The following CSMD3 variants were observed in gnomAD, a reference collection of about 807,000 sequenced individuals.
CSMD3 encodes the protein CUB and Sushi multiple domains 3.
Under a neutral mutation model 435.2 loss-of-function variants are expected in CSMD3, and 177 were observed. The ratio of observed to expected loss-of-function variants is 0.41; its 90% CI spans 0.36 to 0.46. CSMD3 has a LOEUF of 0.46. Among genes scored for constraint, CSMD3 ranks in the 20% least tolerant of loss-of-function variants. The pLI is 0.34. For missense variants in CSMD3, 4,265 were observed against 4,504.6 expected (o/e 0.95, Z 1.52); for synonymous variants, 1,656 against 1,520.5 (o/e 1.09, Z -2.07).
chr8:112,752,388 C>T (rs2077590400), intron 13 of CSMD3, among the ~76,000 whole-genome samples: 1 of 152,122 alleles, frequency 6.6e-6, no homozygotes, highest in African/African-American at 2.4e-5. Context: ...TGAACAACCC[C>T]CAAATTTTTG....
chr8:113,275,833 T>C (rs2093565230), intron 3 of CSMD3, among the ~76,000 whole-genome samples: 1 of 151,860 alleles, frequency 6.6e-6, no homozygotes, highest in Admixed American at 6.6e-5. Flanking sequence ...GACTCCTATC[T>C]CAAAAATATA....
chr8:112,893,996 G>A (rs1041989639), intron 10 of CSMD3, among the ~76,000 whole-genome samples: 1 of 151,360 alleles, frequency 6.6e-6, no homozygotes, highest in Non-Finnish European at 1.5e-5. Context: ...ATAAATAAGA[G>A]AGACTCCCAG....
intron 13 of CSMD3, among the ~76,000 whole-genome samples, chr8:112,758,307 G>A (rs911608041): frequency 2.7e-5 from 4 of 150,796 alleles, no homozygotes; most frequent in Non-Finnish European, 5.9e-5. Flanking sequence ...AGCAGGGATC[G>A]CGCCACTGTA....
At chr8:113,159,618 TAAAATG>T (rs2092000587) in intron 4 of CSMD3, among the ~76,000 whole-genome samples, 1 of 152,136 alleles carries the variant, frequency 6.6e-6, no homozygotes, top group East Asian at 1.9e-4. Context: ...ATTTACTTAT[TAAAATG>T]AAAAAGATAT....
In CSMD3 at chr8:112,463,959, G is replaced by A. The variant is rs1817694657; in HGVS notation, c.5395+8632C>T. On this transcript the variant is annotated intron_variant, in intron 32 of 70. Transcript: ENST00000297405. Reference sequence around the variant, plus strand: ...ACCCTATAAAATGCCTTTGCTGGCTGGGCGAGGTGGCTCATGCCTGTAATC... The same window carrying A: ...ACCCTATAAAATGCCTTTGCTGGCTAGGCGAGGTGGCTCATGCCTGTAATC... 2.0e-5 allele frequency among the ~76,000 whole-genome samples: 3 copies of A among 152,126 alleles called. No homozygotes were observed. The South Asian group carries it at 6.2e-4, about 32-fold the overall frequency.
At chr8:113,047,931 T>A (rs561447536) in intron 5 of CSMD3, among the ~76,000 whole-genome samples, 1 of 152,202 alleles carries the variant, frequency 6.6e-6, no homozygotes, top group African/African-American at 2.4e-5. Flanking sequence ...TGAAATTAGG[T>A]CTGTATCTTA....
intron 4 of CSMD3, among the ~76,000 whole-genome samples, chr8:113,162,072 T>C (rs2092051359): frequency 1.3e-5 from 2 of 152,112 alleles, no homozygotes; most frequent in Admixed American, 6.6e-5. Context: ...TATTAATAAA[T>C]GTTAAATTGA....
intron 13 of CSMD3, among the ~76,000 whole-genome samples, chr8:112,733,064 A>G (rs555258345): frequency 1.3e-5 from 2 of 152,244 alleles, no homozygotes; most frequent in Admixed American, 1.3e-4. Context: ...AATATGTTAG[A>G]CCTTTTGTTT....
At position 112,927,057 on chromosome 8, in the gene CSMD3, A is replaced by C. The variant is rs75614080; in HGVS notation, c.1509-5306T>G. Among the ~76,000 whole-genome samples the C allele has an allele frequency of 5.7e-3, 862 of 152,284 alleles. 11 individuals are homozygous for C. The highest frequency in any genetic ancestry group is 0.02 in the African/African-American group (831 of 41,572). ...AAAATCAAAACACTAAACGTCAAGAAAATAACTATTACCAAAATGACCACA... is the reference window on the plus strand; with the variant it reads ...AAAATCAAAACACTAAACGTCAAGACAATAACTATTACCAAAATGACCACA... On this transcript the variant is annotated intron_variant, in intron 9 of 70. Transcript: ENST00000297405.
intron 13 of CSMD3, among the ~76,000 whole-genome samples, chr8:112,730,388 T>C (rs2077050114): frequency 6.6e-6 from 1 of 152,126 alleles, no homozygotes; most frequent in African/African-American, 2.4e-5. Context: ...CATTATTTCA[T>C]ACATGGTCAA....
chr8:112,493,732 GAA>G (rs1164774678), intron 30 of CSMD3, among the ~76,000 whole-genome samples: 1 of 152,146 alleles, frequency 6.6e-6, no homozygotes, highest in African/African-American at 2.4e-5. Flanking sequence ...TAGAGAAATG[GAA>G]AGATTAGCTC....
chr8:113,213,295 A>T (rs1231479403), intron 3 of CSMD3, among the ~76,000 whole-genome samples: 1 of 152,108 alleles, frequency 6.6e-6, no homozygotes, highest in Non-Finnish European at 1.5e-5. Flanking sequence ...AAAAGATCAG[A>T]GAGAAGCCTT....
intron 32 of CSMD3, among the ~76,000 whole-genome samples, chr8:112,420,356 C>T (rs1812347080): frequency 6.6e-6 from 1 of 152,078 alleles, no homozygotes; most frequent in Non-Finnish European, 1.5e-5. Context: ...GTATTTGTCT[C>T]TAACAGATAA....
chr8:112,296,034 T>C (rs747130502), intron 53 of CSMD3, 28 bp from the exon 54 acceptor site: 1 of 1,551,346 alleles, frequency 6.4e-7, no homozygotes, highest in Non-Finnish European at 8.9e-7. Flanking sequence ...GTAATATTTT[T>C]AATACTGTGA....
At position 113,211,969 on chromosome 8, in the gene CSMD3, G is replaced by A. The variant is rs531875339; in HGVS notation, c.515-38053C>T. Among the ~76,000 whole-genome samples, 3 of 151,990 alleles carry A rather than the reference G, an allele frequency of 2.0e-5. No individual in the cohort carries two copies. The East Asian group carries it at 5.8e-4, about 29-fold the overall frequency. On this transcript the variant is annotated intron_variant, in intron 3 of 70. Transcript: ENST00000297405. The stretch of plus-strand genomic sequence containing the variant: ...TTGTCTTTCTGAATAAAACTTATTG[G>A]GCAAATTTCCAAATATATCTAAAAG...
chr8:113,243,644 G>A (rs942559911), intron 3 of CSMD3, among the ~76,000 whole-genome samples: 2 of 152,016 alleles, frequency 1.3e-5, no homozygotes, highest in African/African-American at 4.8e-5. Context: ...AGAATTGCTA[G>A]ATTATATGGT....
At chr8:113,048,974 C>T (rs1483321287) in intron 5 of CSMD3, among the ~76,000 whole-genome samples, 2 of 152,096 alleles carry the variant, frequency 1.3e-5, no homozygotes, top group African/African-American at 2.4e-5. Context: ...TGACTTCAGG[C>T]CGGCCTATAA....
At chr8:113,410,510 A>G (rs928084622) in intron 1 of CSMD3, among the ~76,000 whole-genome samples, 3 of 152,034 alleles carry the variant, frequency 2.0e-5, no homozygotes, top group Non-Finnish European at 4.4e-5. Context: ...GTGAACTCCC[A>G]TGGTTCTCTT....
At chr8:112,650,754 G>GC (rs908344479) in intron 18 of CSMD3, among the ~76,000 whole-genome samples, 5 of 141,806 alleles carry the variant, frequency 3.5e-5, no homozygotes, top group Non-Finnish European at 7.7e-5. Flanking sequence ...GAGGCATTTT[G>GC]CAAGGTATGA....
Sources: allele counts gnomAD v4.1 joint callset (sites outside exome capture counted in the v4.1 genomes callset), GRCh38; gene constraint gnomAD v4.1.1; transcripts MANE v1.5; gene names NCBI Gene and HGNC (gene_info 2026-07-23, HGNC 2026-07-21).